ANPEP: variants seen among roughly 807,000 people sequenced by gnomAD.
ANPEP encodes the protein alanyl aminopeptidase, membrane.
In ANPEP, 70 loss-of-function variants were observed where a neutral mutation model predicts 114.6. The ratio of observed to expected loss-of-function variants is 0.61; its 90% confidence interval spans 0.50 to 0.75. ANPEP has a LOEUF of 0.75. Among genes scored for constraint, ANPEP ranks in the 30% least tolerant of loss-of-function variants. The pLI is 0.00. For synonymous variants in ANPEP, 548 were observed against 522.3 expected (o/e 1.05, Z -0.67); for missense variants, 1,184 against 1,259.5 (o/e 0.94, Z 0.91).
At chr15:89,798,022 G>T (rs1422631982) in intron 14 of ANPEP, among the ~76,000 whole-genome samples, 1 of 152,226 alleles carries the variant, frequency 6.6e-6, no homozygotes, top group Non-Finnish European at 1.5e-5. Flanking sequence ...GAAGTGAAGT[G>T]ACTTGCCCAA....
At chr15:89,789,539 G>A (rs577266971) in intron 20 of ANPEP, among the ~76,000 whole-genome samples, 1 of 151,884 alleles carries the variant, frequency 6.6e-6, no homozygotes, top group African/African-American at 2.4e-5. Context: ...TTGGGAGACC[G>A]AGGTGGGTGG....
chr15:89,796,899 A>G (rs958368743), intron 15 of ANPEP, among the ~76,000 whole-genome samples: 1 of 152,226 alleles, frequency 6.6e-6, no homozygotes, highest in Non-Finnish European at 1.5e-5. Flanking sequence ...ACCAATCTTC[A>G]ACCTTTAGAC....
In ANPEP at chr15:89,801,616, G is replaced by A; in HGVS notation, c.1570-9C>T. 3 of 1,611,784 alleles carry A rather than the reference G, an allele frequency of 1.9e-6. No individual in the cohort carries two copies. Among genetic ancestry groups the A allele is most frequent in the Non-Finnish European group, 2.5e-6 (3 of 1,178,486 alleles). ...GACCGGTTGTTCACAGCCTGTGGGTGGAGCGAGAGGGCGTGGCCATCAGTG... is the reference window on the plus strand; with the variant it reads ...GACCGGTTGTTCACAGCCTGTGGGTAGAGCGAGAGGGCGTGGCCATCAGTG... On this transcript the variant is annotated splice_polypyrimidine_tract_variant and intron_variant, in intron 10 of 20. Transcript: ENST00000300060.
At position 89,804,690 on chromosome 15, in the gene ANPEP, C is replaced by T. The variant is rs151010927; in HGVS notation, c.898-73G>A. 2,908 of 1,569,644 alleles carry T rather than the reference C, an allele frequency of 1.9e-3. 13 individuals carry two copies. Among genetic ancestry groups the T allele is most frequent in the Middle Eastern group, 9.3e-3 (42 of 4,504 alleles). On this transcript the variant is annotated intron_variant, in intron 4 of 20. Transcript: ENST00000300060. ...GGGGCAGGTGGGCTGGGTCCCAGGG[C>T]CCAGTGGGCTGGGGGGATCCCTGAT...
intron 1 of ANPEP, among the ~76,000 whole-genome samples, chr15:89,813,703 C>G (rs934166335): frequency 3.3e-5 from 5 of 152,154 alleles, no homozygotes; most frequent in Non-Finnish European, 7.4e-5. Flanking sequence ...GTCACCCCTA[C>G]CCCACACGCC....
intron 6 of ANPEP, 114 bp from the exon 7 acceptor site, chr15:89,804,116 C>A: frequency 6.5e-7 from 1 of 1,541,310 alleles, no homozygotes; most frequent in Non-Finnish European, 8.9e-7. Context: ...ATTTCAACAC[C>A]ATCGTGACCC....
chr15:89,809,148 C>G (rs1894775821), intron 1 of ANPEP, among the ~76,000 whole-genome samples: 1 of 152,248 alleles, frequency 6.6e-6, no homozygotes, highest in Non-Finnish European at 1.5e-5. Context: ...TGGCTCCCAG[C>G]ACATGCTGCC....
chr15:89,796,598 CTG>C (rs1968731251), intron 15 of ANPEP, among the ~76,000 whole-genome samples: 2 of 152,054 alleles, frequency 1.3e-5, no homozygotes, highest in Admixed American at 1.3e-4. Flanking sequence ...TGCCATTCTC[CTG>C]CCTCAGCCTC....
chr15:89,789,689 A>AC (rs1968577972), intron 20 of ANPEP, among the ~76,000 whole-genome samples: 1 of 147,160 alleles, frequency 6.8e-6, no homozygotes, highest in Non-Finnish European at 1.5e-5. Flanking sequence ...AGGAGAATTG[A>AC]TTGAACCCCA....
chr15:89,806,229 C>A lies in ANPEP; in HGVS notation c.355G>T (p.Val119Phe). The A allele has an allele frequency of 6.2e-7, 1 of 1,614,116 alleles. No individual in the cohort carries two copies. The highest frequency in any genetic ancestry group is 8.5e-7 in the Non-Finnish European group (1 of 1,179,996). The change falls in exon 2 of 21, where the codon GTC (valine) becomes TTC (phenylalanine). Residue 119 changes from valine to phenylalanine, a missense_variant. By Grantham distance (50) the Val-to-Phe change is conservative. Transcript: ENST00000300060. The surrounding 1 kb of genome is among the most constrained non-coding windows in gnomAD (Gnocchi z 5.7). ...AGCTTCTTGCTGTGGATGATGATGACGTCAGTGGCCTCCTTGCAGGTGAAA... is the reference window on the plus strand; with the variant it reads ...AGCTTCTTGCTGTGGATGATGATGAAGTCAGTGGCCTCCTTGCAGGTGAAA... ...VRFTCKEATD[V>F]IIIHSKKLNY...
intron 20 of ANPEP, among the ~76,000 whole-genome samples, chr15:89,786,334 G>A (rs1167681644): frequency 2.0e-5 from 3 of 149,364 alleles, no homozygotes; most frequent in Non-Finnish European, 4.4e-5. Context: ...CATTAAGATG[G>A]CAATAGTCCC....
In ANPEP at chr15:89,792,295, CA is replaced by C; in HGVS notation, c.2392del (p.Cys798AlafsTer44). ...IHPNLRSTVY[C>X]NAIAQGGEEE... ...CTCCCCGCCCTGGGCGATAGCGTTG[CA>C]GTAGACGGTGGACCGCAGGTTGGGG... is the stretch of plus-strand genomic sequence containing the variant. On this transcript the variant is annotated frameshift_variant, in exon 18 of 21. Coordinates refer to ENST00000300060, the MANE Select transcript of ANPEP (RefSeq NM_001150.3). LOFTEE classifies it high-confidence loss of function. 6.2e-7 allele frequency: 1 copy of C among 1,614,214 alleles called. No individual in the cohort carries two copies. Among genetic ancestry groups the C allele is most frequent in the Non-Finnish European group, 8.5e-7 (1 of 1,180,036 alleles).
At chr15:89,791,597 C>CTTT (rs367563839) in intron 18 of ANPEP, among the ~76,000 whole-genome samples, 5 of 121,160 alleles carry the variant, frequency 4.1e-5, no homozygotes, top group Admixed American at 7.7e-5. Context: ...GCCACCATGC[C>CTTT]TATTTTTTTT....
intron 15 of ANPEP, among the ~76,000 whole-genome samples, chr15:89,797,165 G>C (rs1214738292): frequency 2.0e-5 from 3 of 152,200 alleles, no homozygotes; most frequent in African/African-American, 7.2e-5. Context: ...AAGTTAACTG[G>C]GTCTGAGAAA....
chr15:89,791,079 G>A lies in ANPEP; in HGVS notation c.2543C>T (p.Thr848Ile), dbSNP rs372938510. 4 of 1,614,206 alleles carry A rather than the reference G, an allele frequency of 2.5e-6. No individual in the cohort carries two copies. Among genetic ancestry groups the A allele is most frequent in the South Asian group, 1.1e-5 (1 of 91,082 alleles). Reference protein sequence around the residue: ...LWILNRYLSYTLNPDLIRKQD... With the variant: ...LWILNRYLSYILNPDLIRKQD... ...CTTCCGGATTAAGTCCGGGTTCAGG[G>A]TGTAGCTCAGGTACCTAAGAGGGCC... is the stretch of plus-strand genomic sequence containing the variant. Residue 848 changes from threonine to isoleucine, a missense_variant, in exon 19 of 21, where the codon ACC becomes ATC. Coordinates refer to ENST00000300060, the MANE Select transcript of ANPEP (RefSeq NM_001150.3).
At chr15:89,805,276 G>A in intron 3 of ANPEP, 45 bp downstream of exon 3, 2 of 1,613,026 alleles carry the variant, frequency 1.2e-6, no homozygotes, top group East Asian at 2.2e-5. Flanking sequence ...CCCAGCCCAG[G>A]GTGCCTGCCC....
At chr15:89,792,668 T>A in intron 16 of ANPEP, 106 bp from the exon 17 acceptor site, 1 of 1,001,020 alleles carries the variant, frequency 1.0e-6, no homozygotes, top group Non-Finnish European at 1.5e-6. Context: ...CTCTGTGGCC[T>A]AACTGGCCCT....
In ANPEP at chr15:89,791,015, G is replaced by A. The variant is rs143655390; in HGVS notation, c.2607C>T (p.Asn869=). The change falls in exon 19 of 21, where the codon AAC becomes AAT. Residue 869 remains asparagine, a synonymous_variant. Coordinates refer to ENST00000300060, the MANE Select transcript of ANPEP (RefSeq NM_001150.3). ...ATSTIISITN[N]VIGQGLVWDF... is the part of the protein sequence containing the mutation. The stretch of plus-strand genomic sequence containing the variant: ...CCCAGACCAGACCTTGCCCAATGAC[G>A]TTGTTGGTAATGCTGATGATGGTAG... The A allele has an allele frequency of 9.3e-5, 150 of 1,614,218 alleles. No individual in the cohort carries two copies. Among genetic ancestry groups the A allele is most frequent in the Middle Eastern group, 4.9e-4 (3 of 6,062 alleles).
intron 20 of ANPEP, among the ~76,000 whole-genome samples, chr15:89,786,157 C>T (rs181255347): frequency 3.1e-4 from 47 of 152,114 alleles, no homozygotes; most frequent in Admixed American, 2.6e-3. Context: ...ATTCCATTTA[C>T]GATAGCATCA....
Sources: allele counts gnomAD v4.1 joint callset (sites outside exome capture counted in the v4.1 genomes callset), GRCh38; gene constraint gnomAD v4.1.1; non-coding constraint Gnocchi (gnomAD v3.1); transcripts MANE v1.5; gene names NCBI Gene and HGNC (gene_info 2026-07-23, HGNC 2026-07-21).